MAMLD1: variants seen among roughly 807,000 people sequenced by gnomAD.
MAMLD1 encodes the protein mastermind like domain containing 1, also known as mastermind-like domain-containing protein 1.
Under a neutral mutation model 45.0 loss-of-function variants are expected in MAMLD1, and 14 were observed. The ratio of observed to expected loss-of-function variants is 0.31; its 90% CI spans 0.21 to 0.49. MAMLD1 has a LOEUF of 0.49. MAMLD1 is among the 20% of genes least tolerant of loss of function. MAMLD1 has a pLI of 0.99. For synonymous variants in MAMLD1, 254 were observed against 247.8 expected (o/e 1.02, Z -0.24); for missense variants, 543 against 603.6 (o/e 0.90, Z 1.05).
At position 150,513,246 on chromosome X, in the gene MAMLD1, A is replaced by G. The variant is rs1403654220; in HGVS notation, c.*1287A>G. The G allele has an allele frequency of 4.8e-6, 2 of 419,764 alleles. No individual in the cohort carries two copies. Among genetic ancestry groups the G allele is most frequent in the Non-Finnish European group, 8.0e-6 (2 of 251,427 alleles). The allele number at this position is 419,764 out of a possible 1,213,427, so 34.6% of individuals were successfully genotyped here. ...GCTGGTGATTTTTCAAGCTACGTGT[A>G]CATATTTGAAAATTTTGTAAATGGT... On this transcript the variant is annotated 3_prime_UTR_variant, in exon 8 of 8. Transcript: ENST00000370401.
In MAMLD1 at chrX:150,504,014, C is replaced by T. The variant is rs782033784; in HGVS notation, c.2284+497C>T. ...CCAGCCATCTGCTGTGGATTCCAAACCCCGCCCAGGACTCCCACACCCTAG... is the reference window on the plus strand; with the variant it reads ...CCAGCCATCTGCTGTGGATTCCAAATCCCGCCCAGGACTCCCACACCCTAG... On this transcript the variant is annotated intron_variant, in intron 6 of 7. Transcript: ENST00000370401. 4.0e-5 allele frequency: 30 copies of T among 751,558 alleles called. No individual in the cohort carries two copies. In the South Asian group the frequency reaches 1.6e-3, roughly 41 times the overall value. The allele number at this position is 751,558 out of a possible 1,213,427, so 61.9% of individuals were successfully genotyped here. A position where few individuals can be genotyped will look rare whatever the true frequency, so the allele number is the denominator to read the frequency against.
intron 1 of MAMLD1, among the ~76,000 whole-genome samples, chrX:150,419,194 T>G (rs180747289): frequency 9.8e-6 from 1 of 101,838 alleles, no homozygotes; most frequent in Non-Finnish European, 2.0e-5. Context: ...ATTATGTAAC[T>G]GCCTTCTTTG....
chrX:150,465,078 T>C (rs1360082275), intron 3 of MAMLD1, among the ~76,000 whole-genome samples: 1 of 112,275 alleles, frequency 8.9e-6, no homozygotes, highest in African/African-American at 3.2e-5. Flanking sequence ...TGGTTACCTT[T>C]GACCTCCTAT....
At chrX:150,422,396 A>T (rs1208772031) in intron 1 of MAMLD1, among the ~76,000 whole-genome samples, 2 of 111,542 alleles carry the variant, frequency 1.8e-5, no homozygotes, top group Non-Finnish European at 3.8e-5. Flanking sequence ...CCCTATCTGT[A>T]CAAGAAGGGG....
At chrX:150,379,475 A>C (rs1557401549) in intron 1 of MAMLD1, among the ~76,000 whole-genome samples, 2 of 111,949 alleles carry the variant, frequency 1.8e-5, no homozygotes, top group African/African-American at 6.5e-5. Flanking sequence ...GGTCATTTGA[A>C]TATGGTTTAG....
chrX:150,503,931 C>T, intron 6 of MAMLD1: 2 of 358,825 alleles, frequency 5.6e-6, no homozygotes, highest in Non-Finnish European at 7.2e-6. Context: ...CTCCGAAGCC[C>T]TGCACCTGAT....
intron 1 of MAMLD1, among the ~76,000 whole-genome samples, chrX:150,412,725 T>G (rs782330724): frequency 1.1e-3 from 122 of 109,561 alleles, no homozygotes; most frequent in Admixed American, 6.9e-3. Context: ...TTGTTTGTTT[T>G]TTTTAATGAA....
chrX:150,370,832 C>T (rs1443957864), intron 1 of MAMLD1, among the ~76,000 whole-genome samples: 7 of 111,982 alleles, frequency 6.3e-5, no homozygotes, highest in Admixed American at 2.8e-4. Context: ...ATATTCCCCC[C>T]GGGGGAGGGA....
At position 150,469,866 on chromosome X, in the gene MAMLD1, G is replaced by A. The variant is rs1557406231; in HGVS notation, c.293G>A (p.Gly98Asp). ...GATGTCACCCTTGCAATGGGCCCAG[G>A]TGCTCATCCTAGTACTGCTTGTGCA... Reference protein sequence around the residue: ...LEDVTLAMGPGAHPSTACAEL... With the variant: ...LEDVTLAMGPDAHPSTACAEL... The change falls in exon 4 of 8, where the codon GGT (glycine) becomes GAT (aspartate). Residue 98 changes from glycine to aspartate, a missense_variant. Coordinates refer to ENST00000370401, the MANE Select transcript of MAMLD1 (RefSeq NM_005491.5). 5.0e-6 allele frequency: 6 copies of A among 1,211,611 alleles called. No homozygotes were observed. Among genetic ancestry groups the A allele is most frequent in the South Asian group, 1.8e-5 (1 of 56,977 alleles).
rs987254920 is a variant in MAMLD1, at chrX:150,513,979, A to G, written c.*2020A>G. ...TTGTCTTTGATGGTTTCTATCTGCA[A>G]TTATCGTCATGTATATTTAAGTGTC... On this transcript the variant is annotated 3_prime_UTR_variant, in exon 8 of 8. Coordinates refer to ENST00000370401, the MANE Select transcript of MAMLD1 (RefSeq NM_005491.5). 12 of 293,124 alleles carry G rather than the reference A, an allele frequency of 4.1e-5. No homozygotes were observed. Among genetic ancestry groups the G allele is most frequent in the African/African-American group, 5.5e-5 (2 of 36,424 alleles). 24.2% of individuals were successfully genotyped at this position (293,124 alleles called of 1,213,427 possible). A position where few individuals can be genotyped will look rare whatever the true frequency, so the allele number is the denominator to read the frequency against.
At chrX:150,472,978 C>T (rs1253882230) in intron 4 of MAMLD1, among the ~76,000 whole-genome samples, 2 of 111,849 alleles carry the variant, frequency 1.8e-5, no homozygotes, top group African/African-American at 6.5e-5. Context: ...CCCAATAAAC[C>T]ATCCATTGCT....
intron 5 of MAMLD1, among the ~76,000 whole-genome samples, chrX:150,483,579 G>A (rs782771419): frequency 1.5e-3 from 173 of 112,755 alleles, no homozygotes; most frequent in African/African-American, 5.3e-3. Context: ...GCAGAAAGGA[G>A]AACTTTGCAT....
At chrX:150,503,943 C>G in intron 6 of MAMLD1, 1 of 443,239 alleles carries the variant, frequency 2.3e-6, no homozygotes, top group Non-Finnish European at 2.8e-6. Context: ...GCACCTGATA[C>G]CTGCCTGCTT....
intron 1 of MAMLD1, among the ~76,000 whole-genome samples, chrX:150,372,285 T>C (rs2032054530): frequency 8.9e-6 from 1 of 112,065 alleles, no homozygotes; most frequent in Non-Finnish European, 1.9e-5. Flanking sequence ...GTTTTCGAGT[T>C]GCTGTCAGAG....
Position 150,481,960 on chromosome X carries a change from AGAAAAAAG to A in MAMLD1, c.2040+8159_2040+8166del, listed in dbSNP as rs1186392598. On this transcript the variant is annotated intron_variant, in intron 5 of 7. Transcript: ENST00000370401. ...AAAGAAAGAAAAAAGAAAGAAAGAA[AGAAAAAAG>A]AAAGAAAGAAAGAAAGAAAGAAAGA... Among the ~76,000 whole-genome samples, 239 of 92,656 alleles carry A rather than the reference AGAAAAAAG, an allele frequency of 2.6e-3. 1 individual carries two copies. The highest frequency in any genetic ancestry group is 8.4e-3 in the African/African-American group (210 of 24,884). The allele number at this position is 92,656 out of a possible 115,157, so 80.5% of individuals were successfully genotyped here.
At chrX:150,504,168 G>A (rs2037653700) in intron 6 of MAMLD1, 2 of 752,630 alleles carry the variant, frequency 2.7e-6, no homozygotes, top group African/African-American at 4.6e-5. Flanking sequence ...AGTCTAGAAG[G>A]AATGGCTTGA....
intron 1 of MAMLD1, among the ~76,000 whole-genome samples, chrX:150,392,592 G>A (rs1260744471): frequency 2.7e-5 from 3 of 109,696 alleles, no homozygotes; most frequent in African/African-American, 1.0e-4. Flanking sequence ...TGAGAATTGG[G>A]GATGGGGTGG....
chrX:150,370,763 C>G (rs2031916655), intron 1 of MAMLD1, among the ~76,000 whole-genome samples: 1 of 111,723 alleles, frequency 9.0e-6, no homozygotes, highest in South Asian at 3.7e-4. Flanking sequence ...CTCGAGTTTT[C>G]TCCTAAAATC....
intron 1 of MAMLD1, among the ~76,000 whole-genome samples, chrX:150,428,996 A>G (rs1247590260): frequency 9.0e-6 from 1 of 111,553 alleles, no homozygotes; most frequent in Non-Finnish European, 1.9e-5. Flanking sequence ...TTTTTTCTTT[A>G]GGGCTGAATG....
Sources: gnomAD v4.1 joint callset for allele counts (sites outside exome capture counted in the v4.1 genomes callset) on GRCh38, gnomAD v4.1.1 for gene constraint, MANE v1.5 for transcripts, NCBI Gene and HGNC (gene_info 2026-07-23, HGNC 2026-07-21) for gene names.